Variants in NLGN1 observed in about 807,000 individuals in gnomAD.
NLGN1 encodes neuroligin-1.
A neutral mutation model predicts 65.5 loss-of-function variants in NLGN1; 12 were observed. The ratio of observed to expected loss-of-function variants is 0.18; its 90% confidence interval spans 0.12 to 0.30. The LOEUF (loss-of-function observed/expected upper bound fraction) is 0.30, where lower values mean the gene tolerates loss of function less well. NLGN1 is among the 10% of genes least tolerant of loss of function. NLGN1 has a pLI of 1.00. For missense variants in NLGN1, 750 were observed against 1,007.1 expected (o/e 0.74, Z 3.46); for synonymous variants, 350 against 359.5 (o/e 0.97, Z 0.30).
At chr3:174,036,415 T>C (rs537702935) in intron 4 of NLGN1, among the ~76,000 whole-genome samples, 85 of 152,220 alleles carry the variant, frequency 5.6e-4, no homozygotes, top group African/African-American at 2.0e-3. Flanking sequence ...GTTGACTGTT[T>C]CTATGCAAAT....
intron 4 of NLGN1, among the ~76,000 whole-genome samples, chr3:174,073,681 G>A (rs1357976500): frequency 6.6e-6 from 1 of 152,100 alleles, no homozygotes; most frequent in Non-Finnish European, 1.5e-5. Flanking sequence ...CTAAATTCGT[G>A]CTAATCAGAA....
chr3:173,748,234 A>G (rs1436378337), intron 3 of NLGN1, among the ~76,000 whole-genome samples: 8 of 152,152 alleles, frequency 5.3e-5, no homozygotes, highest in Admixed American at 5.2e-4. Flanking sequence ...AGCAGGTAAA[A>G]GAAAATTTCA....
intron 3 of NLGN1, among the ~76,000 whole-genome samples, chr3:173,725,851 C>T (rs544478051): frequency 6.6e-6 from 1 of 152,146 alleles, no homozygotes; most frequent in Admixed American, 6.6e-5. Flanking sequence ...GTTGAGTTCT[C>T]CACTGTCTTA....
intron 2 of NLGN1, among the ~76,000 whole-genome samples, chr3:173,447,879 A>G (rs1328319836): frequency 6.6e-6 from 1 of 152,176 alleles, no homozygotes; most frequent in Non-Finnish European, 1.5e-5. Context: ...ATTGGTGTGT[A>G]TAAGAATGCT....
At chr3:173,988,972 A>T (rs1720524866) in intron 4 of NLGN1, among the ~76,000 whole-genome samples, 1 of 152,140 alleles carries the variant, frequency 6.6e-6, no homozygotes. Flanking sequence ...CATACTTAGG[A>T]TGCTGAAGGA....
intron 4 of NLGN1, among the ~76,000 whole-genome samples, chr3:174,199,118 A>G (rs140144893): frequency 3.3e-4 from 50 of 152,252 alleles, no homozygotes; most frequent in Non-Finnish European, 6.9e-4. Flanking sequence ...AAGTGCTGGA[A>G]TTATAGGCGT....
At chr3:173,947,714 A>T in intron 4 of NLGN1, among the ~76,000 whole-genome samples, 1 of 152,218 alleles carries the variant, frequency 6.6e-6, no homozygotes, top group Non-Finnish European at 1.5e-5. Context: ...GCTTAATAAA[A>T]TTAAAGATAA....
At chr3:174,121,606 T>C (rs1054176714) in intron 4 of NLGN1, among the ~76,000 whole-genome samples, 6 of 152,180 alleles carry the variant, frequency 3.9e-5, no homozygotes, top group African/African-American at 9.7e-5. Flanking sequence ...ATTTGCTCCA[T>C]AGCTATGGGC....
At chr3:174,258,240 A>G (rs1033328705) in intron 4 of NLGN1, among the ~76,000 whole-genome samples, 4 of 152,136 alleles carry the variant, frequency 2.6e-5, no homozygotes, top group Admixed American at 2.6e-4. Flanking sequence ...TGTAGCATCA[A>G]AATATGGCAG....
intron 3 of NLGN1, among the ~76,000 whole-genome samples, chr3:173,750,152 A>C (rs1232957250): frequency 6.6e-6 from 1 of 152,002 alleles, no homozygotes; most frequent in African/African-American, 2.4e-5. Flanking sequence ...GTACCAAAGC[A>C]ATCTTCCTCA....
intron 3 of NLGN1, among the ~76,000 whole-genome samples, chr3:173,662,895 T>C (rs912667509): frequency 1.3e-5 from 2 of 152,014 alleles, no homozygotes; most frequent in African/African-American, 4.8e-5. Context: ...CCATAGGTAT[T>C]TGGAGAAATC....
At chr3:174,100,287 A>AC (rs1015791124) in intron 4 of NLGN1, among the ~76,000 whole-genome samples, 5 of 151,956 alleles carry the variant, frequency 3.3e-5, no homozygotes, top group South Asian at 2.1e-4. Context: ...AAAAAAAAAA[A>AC]AACTTTATTT....
chr3:173,857,149 G>T (rs1728147693), intron 4 of NLGN1, among the ~76,000 whole-genome samples: 1 of 152,038 alleles, frequency 6.6e-6, no homozygotes, highest in Non-Finnish European at 1.5e-5. Flanking sequence ...ACCGACAAAG[G>T]CTTTGAAGTA....
At chr3:173,607,983 G>A (rs1446105929) in intron 3 of NLGN1, among the ~76,000 whole-genome samples, 1 of 151,692 alleles carries the variant, frequency 6.6e-6, no homozygotes, top group Non-Finnish European at 1.5e-5. Context: ...TTGTATTCAT[G>A]CAAAACTATT....
intron 4 of NLGN1, among the ~76,000 whole-genome samples, chr3:173,808,184 C>G (rs1169214430): frequency 6.6e-6 from 1 of 152,046 alleles, no homozygotes; most frequent in African/African-American, 2.4e-5. Flanking sequence ...TTGGCGTGAG[C>G]TAAGACTAAG....
chr3:173,800,621 A>T (rs1046019183), intron 3 of NLGN1, among the ~76,000 whole-genome samples: 3 of 151,352 alleles, frequency 2.0e-5, no homozygotes, highest in Non-Finnish European at 3.0e-5. Flanking sequence ...CTGACTTTTG[A>T]TATGTTTCAT....
At chr3:173,432,509 T>G (rs887369391) in intron 1 of NLGN1, among the ~76,000 whole-genome samples, 1 of 152,206 alleles carries the variant, frequency 6.6e-6, no homozygotes, top group African/African-American at 2.4e-5. Context: ...TGTGCTTATT[T>G]ACATCTGTAT....
intron 4 of NLGN1, among the ~76,000 whole-genome samples, chr3:174,070,634 C>G (rs1560971445): frequency 1.3e-5 from 2 of 152,062 alleles, no homozygotes; most frequent in Non-Finnish European, 2.9e-5. Context: ...CCGGCCTTAT[C>G]TCTGACATTT....
intron 4 of NLGN1, among the ~76,000 whole-genome samples, chr3:174,181,947 A>G (rs1224870373): frequency 1.4e-5 from 2 of 142,234 alleles, no homozygotes; most frequent in Non-Finnish European, 3.0e-5. Context: ...ACTGCACTCC[A>G]GCCTGGGCAA....
Sources: allele counts gnomAD v4.1 joint callset (sites outside exome capture counted in the v4.1 genomes callset), GRCh38; gene constraint gnomAD v4.1.1; transcripts MANE v1.5; gene names NCBI Gene and HGNC (gene_info 2026-07-23, HGNC 2026-07-21).